The following DTD1 variants were observed in gnomAD, a reference collection of about 807,000 sequenced individuals.
The protein encoded by DTD1 is D-tyrosyl-tRNA deacylase 1 homolog.
DTD1 carries 13 observed loss-of-function variants against 25.6 expected under a neutral mutation model. The observed-to-expected ratio is 0.51, with a 90% confidence interval of 0.33 to 0.81. DTD1 has a LOEUF of 0.81. DTD1 is among the 30% of genes least tolerant of loss of function. DTD1 has a pLI of 0.02. For missense variants in DTD1, 193 were observed against 266.4 expected (o/e 0.72, Z 1.92); for synonymous variants, 110 against 103.6 (o/e 1.06, Z -0.37).
chr20:18,753,235 A>G (rs186636263), intron 5 of DTD1, among the ~76,000 whole-genome samples: 14 of 152,352 alleles, frequency 9.2e-5, no homozygotes, highest in African/African-American at 3.4e-4. Context: ...TCATTGCAGA[A>G]AATTCAACTA....
At chr20:18,669,161 G>C (rs80198459) in intron 4 of DTD1, among the ~76,000 whole-genome samples, 2,535 of 152,228 alleles carry the variant, frequency 0.017, 37 homozygotes, top group Non-Finnish European at 0.025. Flanking sequence ...TGGGGACCAG[G>C]GGGTAGTGAG....
intron 4 of DTD1, among the ~76,000 whole-genome samples, chr20:18,708,220 TATA>T (rs2061136349): frequency 6.4e-3 from 11 of 1,724 alleles, no homozygotes; most frequent in African/African-American, 0.013. Context: ...ATATATATAA[TATA>T]TATATATTTT....
intron 4 of DTD1, among the ~76,000 whole-genome samples, chr20:18,713,686 T>C (rs957471171): frequency 6.6e-6 from 1 of 152,222 alleles, no homozygotes; most frequent in South Asian, 2.1e-4. Flanking sequence ...GGACATTCTT[T>C]TACTTACCTT....
chr20:18,675,966 C>G (rs2060972001), intron 4 of DTD1, among the ~76,000 whole-genome samples: 2 of 151,622 alleles, frequency 1.3e-5, no homozygotes, highest in Non-Finnish European at 2.9e-5. Flanking sequence ...TTTTGCATAC[C>G]TTGAAATAAT....
At chr20:18,751,866 G>A (rs1183184033) in intron 5 of DTD1, among the ~76,000 whole-genome samples, 1 of 148,762 alleles carries the variant, frequency 6.7e-6, no homozygotes, top group East Asian at 2.0e-4. Context: ...TGTTGTTGTT[G>A]TTGTTGTTTT....
intron 4 of DTD1, among the ~76,000 whole-genome samples, chr20:18,712,575 A>G (rs2061163642): frequency 6.6e-6 from 1 of 152,176 alleles, no homozygotes; most frequent in African/African-American, 2.4e-5. Context: ...TCCCATATGA[A>G]AACGAAATCT....
In DTD1 at chr20:18,723,472, G is replaced by A. The variant is rs140654293; in HGVS notation, c.478-20628G>A. Among the ~76,000 whole-genome samples the A allele has an allele frequency of 5.4e-3, 823 of 152,294 alleles. 12 individuals are homozygous for A. The highest frequency in any genetic ancestry group is 0.019 in the African/African-American group (780 of 41,544). ...CCTGTCCAAGGCATTTACAAAAGCAGGAATGTTCCAAGGAATTCTGTATTT... is the reference window on the plus strand; with the variant it reads ...CCTGTCCAAGGCATTTACAAAAGCAAGAATGTTCCAAGGAATTCTGTATTT... On this transcript the variant is annotated intron_variant, in intron 4 of 5. Coordinates refer to ENST00000377452, the MANE Select transcript of DTD1 (RefSeq NM_080820.6).
At chr20:18,759,057 C>A (rs966479990) in intron 5 of DTD1, among the ~76,000 whole-genome samples, 1 of 152,110 alleles carries the variant, frequency 6.6e-6, no homozygotes, top group Non-Finnish European at 1.5e-5. Context: ...AGGATTGCAA[C>A]CCCTGCCTTT....
In DTD1 at chr20:18,751,442, A is replaced by C. The variant is rs557380141; in HGVS notation, c.*19+7171A>C. Among the ~76,000 whole-genome samples, 335 of 152,062 alleles carry C rather than the reference A, an allele frequency of 2.2e-3. 1 individual carries two copies. The highest frequency in any genetic ancestry group is 3.6e-3 in the Non-Finnish European group (247 of 67,996). ...ACATTGCTATCATTCATTTCACTTT[A>C]CATATGTGATACTCACCTAATACAT... On this transcript the variant is annotated intron_variant, in intron 5 of 5. Transcript: ENST00000377452.
intron 4 of DTD1, among the ~76,000 whole-genome samples, chr20:18,704,980 C>G (rs190471249): frequency 3.3e-5 from 5 of 152,310 alleles, no homozygotes; most frequent in African/African-American, 9.6e-5. Context: ...CTGACCTTTG[C>G]TGTCCAGTAG....
At chr20:18,651,261 C>G (rs2060872970) in intron 4 of DTD1, among the ~76,000 whole-genome samples, 1 of 152,208 alleles carries the variant, frequency 6.6e-6, no homozygotes, top group Non-Finnish European at 1.5e-5. Flanking sequence ...AAGTGATTCT[C>G]CTGCCTCAGC....
At chr20:18,588,327 C>G (rs958297639) in intron 1 of DTD1, among the ~76,000 whole-genome samples, 4 of 152,172 alleles carry the variant, frequency 2.6e-5, no homozygotes, top group Middle Eastern at 3.4e-3. Flanking sequence ...ACGTGCCCGA[C>G]CGGCCCCGGC....
intron 4 of DTD1, among the ~76,000 whole-genome samples, chr20:18,664,061 G>A (rs2060921991): frequency 6.6e-6 from 1 of 152,172 alleles, no homozygotes; most frequent in South Asian, 2.1e-4. Context: ...ACATAGCTTA[G>A]GTGTGTAGTG....
intron 4 of DTD1, among the ~76,000 whole-genome samples, chr20:18,676,181 G>T (rs961622552): frequency 1.3e-5 from 2 of 152,162 alleles, no homozygotes. Flanking sequence ...GACCTGTAAT[G>T]CTGGGGTAGA....
At chr20:18,597,140 A>G (rs2060615145) in intron 3 of DTD1, among the ~76,000 whole-genome samples, 1 of 139,736 alleles carries the variant, frequency 7.2e-6, no homozygotes, top group Admixed American at 7.4e-5. Flanking sequence ...TCTCTCTTTT[A>G]GTAGATGAGA....
At chr20:18,760,629 G>A (rs1169949798) in intron 5 of DTD1, among the ~76,000 whole-genome samples, 3 of 152,170 alleles carry the variant, frequency 2.0e-5, no homozygotes, top group African/African-American at 7.2e-5. Context: ...GCCGTGTGAG[G>A]TGTTAGTCTG....
At chr20:18,698,949 A>G (rs2061091142) in intron 4 of DTD1, among the ~76,000 whole-genome samples, 1 of 152,110 alleles carries the variant, frequency 6.6e-6, no homozygotes, top group South Asian at 2.1e-4. Context: ...TGGCTGCCAC[A>G]GCAGTGCCCT....
At chr20:18,711,959 C>T (rs544078600) in intron 4 of DTD1, among the ~76,000 whole-genome samples, 1 of 151,812 alleles carries the variant, frequency 6.6e-6, no homozygotes. Flanking sequence ...ATCCCAGCTA[C>T]ATGGGAGGCT....
chr20:18,681,845 G>A (rs745748199), intron 4 of DTD1, among the ~76,000 whole-genome samples: 5 of 152,284 alleles, frequency 3.3e-5, no homozygotes, highest in Non-Finnish European at 5.9e-5. Flanking sequence ...ACAGAAGAGC[G>A]TCAGGGAAAG....
Sources: allele counts gnomAD v4.1 joint callset (sites outside exome capture counted in the v4.1 genomes callset), GRCh38; gene constraint gnomAD v4.1.1; transcripts MANE v1.5; gene names NCBI Gene and HGNC (gene_info 2026-07-23, HGNC 2026-07-21).